The following COG6 variants were observed in gnomAD, a reference collection of about 807,000 sequenced individuals.
COG6 encodes the protein conserved oligomeric Golgi complex subunit 6.
COG6 carries 74 observed loss-of-function variants against 88.8 expected under a neutral mutation model. The ratio of observed to expected loss-of-function variants is 0.83; its 90% CI spans 0.69 to 1.01. The LOEUF (loss-of-function observed/expected upper bound fraction) is 1.01. Ranked by LOEUF, COG6 falls within the 50% of genes least tolerant of loss-of-function variation. The pLI, the probability that COG6 is intolerant of heterozygous loss-of-function variation, is 0.00. For missense variants in COG6, 800 were observed against 797.9 expected, an observed-to-expected ratio of 1.00 and a Z score of -0.03; for synonymous variants, 286 against 278.7, an observed-to-expected ratio of 1.03 and a Z score of -0.26.
chr13:39,764,051 G>A (rs1241455620), intron 18 of COG6, among the ~76,000 whole-genome samples: 1 of 151,658 alleles, frequency 6.6e-6, no homozygotes, highest in Non-Finnish European at 1.5e-5. Context: ...TTTGTGGGAA[G>A]GTTTTTAATT....
At chr13:39,742,825 T>A (rs546650343) in intron 18 of COG6, among the ~76,000 whole-genome samples, 71 of 152,232 alleles carry the variant, frequency 4.7e-4, no homozygotes, top group South Asian at 1.0e-3. Context: ...CACATCGCAC[T>A]TATTCCAAAA....
downstream of COG6, among the ~76,000 whole-genome samples, chr13:39,757,362 GAGAA>G (rs1233910120): frequency 1.7e-4 from 26 of 152,004 alleles, no homozygotes; most frequent in Admixed American, 1.7e-3. Flanking sequence ...CTACCTTAAA[GAGAA>G]AGAAATAAAT....
intron 3 of COG6, among the ~76,000 whole-genome samples, chr13:39,663,829 A>G (rs953534358): frequency 6.6e-6 from 1 of 151,506 alleles, no homozygotes; most frequent in African/African-American, 2.4e-5. Context: ...TCAAGGCTGC[A>G]GTGACTCAAG....
intron 13 of COG6, among the ~76,000 whole-genome samples, chr13:39,704,219 C>G (rs552897471): frequency 3.6e-4 from 55 of 152,114 alleles, no homozygotes; most frequent in African/African-American, 1.3e-3. Flanking sequence ...TGCAACAAAA[C>G]AGGAAAACAT....
chr13:39,699,785 G>A (rs1877474031), intron 13 of COG6, among the ~76,000 whole-genome samples, 167 bp downstream of exon 13: 1 of 151,796 alleles, frequency 6.6e-6, no homozygotes. Flanking sequence ...GACCTAAGTT[G>A]ATAGTCTTTG....
At chr13:39,718,078 A>G (rs988341093) in intron 13 of COG6, among the ~76,000 whole-genome samples, 1 of 152,152 alleles carries the variant, frequency 6.6e-6, no homozygotes, top group Non-Finnish European at 1.5e-5. Flanking sequence ...GTCTTTGTCT[A>G]GTAAATCTAA....
chr13:39,687,800 G>T lies in COG6; in HGVS notation c.1009+1G>T. 1 of 1,606,518 alleles carries T rather than the reference G, an allele frequency of 6.2e-7. No individual in the cohort carries two copies. The highest frequency in any genetic ancestry group is 8.5e-7 in the Non-Finnish European group (1 of 1,173,388). On this transcript the variant is annotated splice_donor_variant, in intron 10 of 18. Coordinates refer to ENST00000455146, the MANE Select transcript of COG6 (RefSeq NM_020751.3). LOFTEE classifies it high-confidence loss of function. ...CTCTTAAAGCATGTAACTACACAAG[G>T]TGGGTCCACCAATTGTATTGCTAAT... is the stretch of plus-strand genomic sequence containing the variant.
intron 10 of COG6, among the ~76,000 whole-genome samples, chr13:39,688,766 A>G (rs745597074): frequency 1.4e-4 from 21 of 152,230 alleles, no homozygotes; most frequent in Non-Finnish European, 2.8e-4. Context: ...TCTTGTTTAC[A>G]GAATTCCAAA....
At chr13:39,766,313 T>A (rs1881163943) in intron 18 of COG6, among the ~76,000 whole-genome samples, 1 of 152,176 alleles carries the variant, frequency 6.6e-6, no homozygotes, top group African/African-American at 2.4e-5. Flanking sequence ...TTTCATAACA[T>A]TTCAGGGGCT....
chr13:39,779,133 A>G lies in COG6; in HGVS notation c.1827-9202A>G, dbSNP rs13378904. Among the ~76,000 whole-genome samples the G allele has an allele frequency of 3.4e-3, 522 of 152,246 alleles. 5 individuals are homozygous for G. The highest frequency in any genetic ancestry group is 0.012 in the African/African-American group (507 of 41,536). On this transcript the variant is annotated intron_variant, in intron 18 of 18. Transcript: ENST00000416691. ...ATCTATTTAAAAGCTTTATGCTCCA[A>G]TTTTTTCACCAGTAAAATAGAAATG...
chr13:39,727,496 C>G lies in COG6; in HGVS notation c.1774C>G (p.Pro592Ala). The change falls in exon 18 of 19, where the codon CCA becomes GCA. Residue 592 changes from proline to alanine, a missense_variant. Coordinates refer to ENST00000455146, the MANE Select transcript of COG6 (RefSeq NM_020751.3). Reference protein sequence around the residue: ...MVQFDRYLSAPDNLLIPQLNF... With the variant: ...MVQFDRYLSAADNLLIPQLNF... ...TCAGTTTGATCGTTATCTGTCAGCC[C>G]CAGACAACCTATTGATACCACAGCT... The G allele has an allele frequency of 6.2e-7, 1 of 1,613,200 alleles. No individual in the cohort carries two copies. Among genetic ancestry groups the G allele is most frequent in the Non-Finnish European group, 8.5e-7 (1 of 1,179,386 alleles).
chr13:39,679,423 A>G, intron 5 of COG6, 115 bp from the exon 6 acceptor site: 2 of 721,770 alleles, frequency 2.8e-6, no homozygotes, highest in Non-Finnish European at 2.6e-6. Context: ...CAGTATAGGA[A>G]GGCTTCCCTA....
At chr13:39,780,063 C>T (rs12872801) in intron 18 of COG6, among the ~76,000 whole-genome samples, 42,249 of 152,036 alleles carry the variant, frequency 0.28, 6,295 homozygotes, top group Non-Finnish European at 0.35. Flanking sequence ...AGTCAAAGTC[C>T]ACAGTGACAT....
intron 5 of COG6, 122 bp from the exon 6 acceptor site, chr13:39,679,416 T>C: frequency 2.8e-6 from 2 of 712,594 alleles, no homozygotes; most frequent in South Asian, 1.5e-5. Flanking sequence ...TTGAGATCAG[T>C]ATAGGAAGGC....
intron 3 of COG6, among the ~76,000 whole-genome samples, chr13:39,664,795 A>G (rs575214820): frequency 6.6e-6 from 1 of 152,278 alleles, no homozygotes; most frequent in Admixed American, 6.5e-5. Context: ...TTCATTCTTA[A>G]CTTGTTTTTC....
Position 39,751,791 on chromosome 13 carries a change from G to GT in COG6, c.*699dup. 7.8e-7 allele frequency: 1 copy of GT among 1,287,196 alleles called. No individual in the cohort carries two copies. The highest frequency in any genetic ancestry group is 1.0e-6 in the Non-Finnish European group (1 of 988,678). 79.7% of individuals were successfully genotyped at this position (1,287,196 alleles called of 1,614,324 possible). ...ATTTAAACAGGGTGGATTCCACTCTGTGGGAGCCTTCGATGGAACTCAAGG... is the reference window on the plus strand; with the variant it reads ...ATTTAAACAGGGTGGATTCCACTCTGTTGGGAGCCTTCGATGGAACTCAAGG... On this transcript the variant is annotated 3_prime_UTR_variant, in exon 19 of 19. Transcript: ENST00000455146.
rs1322812553 is a variant in COG6 at position 39,724,504 on chromosome 13, A to G, written c.1693-4A>G. The G allele has an allele frequency of 1.3e-6, 2 of 1,501,702 alleles. No homozygotes were observed. The highest frequency in any genetic ancestry group is 2.3e-5 in the East Asian group (1 of 43,214). 93.0% of individuals were successfully genotyped at this position (1,501,702 alleles called of 1,614,324 possible). A position where few individuals can be genotyped will look rare whatever the true frequency, so the allele number is the denominator to read the frequency against. The stretch of plus-strand genomic sequence containing the variant: ...TCTGCTTTTTTTTTTTTTTTTTTAA[A>G]TAGGGCTCTTTAGCTAATATGCCCA... On this transcript the variant is annotated splice_region_variant and splice_polypyrimidine_tract_variant and intron_variant, in intron 16 of 18. Coordinates refer to ENST00000455146, the MANE Select transcript of COG6 (RefSeq NM_020751.3).
chr13:39,712,756 G>A (rs1027584604), intron 13 of COG6, among the ~76,000 whole-genome samples: 4 of 152,154 alleles, frequency 2.6e-5, no homozygotes, highest in Admixed American at 2.6e-4. Context: ...ACCTACTTAG[G>A]TTAGTGGAAC....
At chr13:39,708,895 G>A (rs1012927130) in intron 13 of COG6, among the ~76,000 whole-genome samples, 3 of 151,976 alleles carry the variant, frequency 2.0e-5, no homozygotes, top group African/African-American at 7.2e-5. Context: ...AGTTGCAGGT[G>A]GTTTTTGTGC....
Sources: allele counts gnomAD v4.1 joint callset (sites outside exome capture counted in the v4.1 genomes callset), GRCh38; gene constraint gnomAD v4.1.1; transcripts MANE v1.5; gene names NCBI Gene and HGNC (gene_info 2026-07-23, HGNC 2026-07-21).